NRDC: variants seen among roughly 807,000 people sequenced by gnomAD.
NRDC encodes the protein nardilysin.
NRDC carries 54 observed loss-of-function variants against 147.1 expected under a neutral mutation model. The ratio of observed to expected loss-of-function variants is 0.37; its 90% CI spans 0.29 to 0.46. The LOEUF (loss-of-function observed/expected upper bound fraction) is 0.46, where lower values mean the gene tolerates loss of function less well. NRDC is among the 20% of genes least tolerant of loss of function. The probability of loss-of-function intolerance (pLI) is 1.00; values close to 1 mark genes in which losing one functional copy is unlikely to be tolerated. For synonymous variants in NRDC, 440 were observed against 482.1 expected (o/e 0.91, Z 1.14); for missense variants, 1,082 against 1,370.6 (o/e 0.79, Z 3.33).
At chr1:51,799,454 A>G (rs1220948693) in intron 21 of NRDC, among the ~76,000 whole-genome samples, 1 of 152,116 alleles carries the variant, frequency 6.6e-6, no homozygotes, top group Non-Finnish European at 1.5e-5. Context: ...TGTGATCAGA[A>G]TATCAGTTAT....
intron 5 of NRDC, 148 bp from the exon 6 acceptor site, chr1:51,825,530 G>A: frequency 3.1e-6 from 2 of 653,106 alleles, no homozygotes; most frequent in Middle Eastern, 4.2e-4. Context: ...GAAACTCAAT[G>A]ATCCAGGCCT....
intron 13 of NRDC, 138 bp from the exon 14 acceptor site, chr1:51,814,227 T>C (rs1679854990): frequency 1.6e-6 from 1 of 615,192 alleles, no homozygotes; most frequent in Non-Finnish European, 2.9e-6. Context: ...AAATAATCTG[T>C]ACAACAAACC....
chr1:51,857,587 G>A (rs1175461638), intron 1 of NRDC, among the ~76,000 whole-genome samples: 2 of 152,162 alleles, frequency 1.3e-5, no homozygotes, highest in South Asian at 4.1e-4. Context: ...GTAAGTTCTC[G>A]CTGAGATTCT....
At chr1:51,838,730 T>C (rs1380854934) in intron 2 of NRDC, among the ~76,000 whole-genome samples, 1 of 152,012 alleles carries the variant, frequency 6.6e-6, no homozygotes, top group African/African-American at 2.4e-5. Context: ...TCAGTGTTCT[T>C]TTTTTTTGTG....
At chr1:51,846,360 C>A (rs979339397) in intron 1 of NRDC, among the ~76,000 whole-genome samples, 1 of 152,164 alleles carries the variant, frequency 6.6e-6, no homozygotes, top group African/African-American at 2.4e-5. Context: ...GTGATCCACC[C>A]GCCTCGGTCT....
At chr1:51,824,883 T>G (rs1557913467) in intron 6 of NRDC, among the ~76,000 whole-genome samples, 1 of 152,130 alleles carries the variant, frequency 6.6e-6, no homozygotes, top group Admixed American at 6.5e-5. Flanking sequence ...TTTGAACTGG[T>G]CTCAAGTGAT....
At chr1:51,824,900 A>AC (rs1680377584) in intron 6 of NRDC, among the ~76,000 whole-genome samples, 1 of 152,048 alleles carries the variant, frequency 6.6e-6, no homozygotes, top group Non-Finnish European at 1.5e-5. Context: ...TGATTCTCCC[A>AC]CCTCAGCCTC....
At chr1:51,802,408 C>T (rs576430499) in intron 20 of NRDC, among the ~76,000 whole-genome samples, 8 of 152,202 alleles carry the variant, frequency 5.3e-5, no homozygotes, top group Non-Finnish European at 1.2e-4. Flanking sequence ...AATATTAAGG[C>T]TAAGTCTCAC....
In NRDC at chr1:51,839,160, C is replaced by CTTT. The variant is rs5774110; in HGVS notation, c.630+1063_630+1065dup. Among the ~76,000 whole-genome samples the CTTT allele has an allele frequency of 6.4e-4, 85 of 133,766 alleles. 1 individual carries two copies. The highest frequency in any genetic ancestry group is 1.8e-3 in the African/African-American group (63 of 35,510). 87.8% of individuals were successfully genotyped at this position (133,766 alleles called of 152,430 possible). A position where few individuals can be genotyped will look rare whatever the true frequency, so the allele number is the denominator to read the frequency against. ...AAGGGTGACCACTTTTTTTCTTTTT[C>CTTT]TTTTTTTTTTTTTTTTTGAGACAAA... On this transcript the variant is annotated intron_variant, in intron 2 of 30. Coordinates refer to ENST00000352171, the MANE Select transcript of NRDC (RefSeq NM_001101662.2).
intron 1 of NRDC, among the ~76,000 whole-genome samples, chr1:51,849,793 G>A (rs987957040): frequency 2.0e-5 from 3 of 151,988 alleles, no homozygotes; most frequent in South Asian, 2.1e-4. Context: ...TCCAGCCGGG[G>A]CGACAGAGCG....
At chr1:51,826,365 G>T (rs1388233985) in intron 5 of NRDC, among the ~76,000 whole-genome samples, 1 of 152,104 alleles carries the variant, frequency 6.6e-6, no homozygotes, top group Non-Finnish European at 1.5e-5. Context: ...TACGAAAAGT[G>T]ATTTAAGACC....
intron 22 of NRDC, among the ~76,000 whole-genome samples, chr1:51,796,748 C>T (rs1237694967): frequency 5.3e-5 from 8 of 150,688 alleles, no homozygotes; most frequent in Middle Eastern, 3.6e-3. Context: ...CCACCAAGCC[C>T]GGCTAATTTT....
At chr1:51,821,586 A>C in intron 7 of NRDC, 31 bp from the exon 8 acceptor site, 1 of 1,416,896 alleles carries the variant, frequency 7.1e-7, no homozygotes, top group Non-Finnish European at 1.0e-6. Context: ...AAGAGACAGG[A>C]AAATGCAATG....
chr1:51,811,194 C>T (rs1679697267), intron 15 of NRDC, among the ~76,000 whole-genome samples: 1 of 152,214 alleles, frequency 6.6e-6, no homozygotes, highest in African/African-American at 2.4e-5. Context: ...CTTTACCTTT[C>T]CCTGTCCTCT....
intron 1 of NRDC, among the ~76,000 whole-genome samples, chr1:51,858,260 G>A (rs920644138): frequency 5.9e-5 from 9 of 152,008 alleles, no homozygotes; most frequent in Non-Finnish European, 7.4e-5. Flanking sequence ...CAGGAAGATC[G>A]CTTGAGCACA....
In NRDC at chr1:51,812,032, G is replaced by A; in HGVS notation, c.1741C>T (p.Leu581Phe). 1 of 1,613,936 alleles carries A rather than the reference G, an allele frequency of 6.2e-7. No homozygotes were observed. Among genetic ancestry groups the A allele is most frequent in the Non-Finnish European group, 8.5e-7 (1 of 1,179,856 alleles). The change falls in exon 15 of 31, where the codon CTC (leucine) becomes TTC (phenylalanine). Residue 581 changes from leucine to phenylalanine, a missense_variant. Physicochemically the swap from Leu to Phe is conservative, Grantham distance 22 (BLOSUM62 0). Transcript: ENST00000352171. ...NMQLYPLQDI[L>F]TGDQLLFEYK... ...TCAAAAAGAAGCTGATCTCCAGTGA[G>A]AATGTCCTGCAATGGGTACAGCTGC...
intron 22 of NRDC, among the ~76,000 whole-genome samples, chr1:51,796,527 G>A (rs902315097): frequency 1.4e-4 from 20 of 143,918 alleles, no homozygotes; most frequent in Admixed American, 2.8e-4. Flanking sequence ...GGCGTGGGCC[G>A]CCTTGCACAG....
intron 22 of NRDC, among the ~76,000 whole-genome samples, chr1:51,797,700 A>G (rs904842458): frequency 6.6e-6 from 1 of 152,246 alleles, no homozygotes; most frequent in Non-Finnish European, 1.5e-5. Flanking sequence ...AACAAACAGT[A>G]TAGATACGCC....
At chr1:51,847,438 C>G (rs538643127) in intron 1 of NRDC, among the ~76,000 whole-genome samples, 1 of 152,334 alleles carries the variant, frequency 6.6e-6, no homozygotes, top group East Asian at 1.9e-4. Flanking sequence ...GGGCGGCGCT[C>G]GTTGGGGAGG....
Sources: allele counts gnomAD v4.1 joint callset (sites outside exome capture counted in the v4.1 genomes callset), GRCh38; gene constraint gnomAD v4.1.1; transcripts MANE v1.5; gene names NCBI Gene and HGNC (gene_info 2026-07-23, HGNC 2026-07-21).